The following TTC39B variants were observed in gnomAD, a reference collection of about 807,000 sequenced individuals.
The protein encoded by TTC39B is tetratricopeptide repeat protein 39B.
Under a neutral mutation model 96.6 loss-of-function variants are expected in TTC39B, and 92 were observed. The ratio of observed to expected loss-of-function variants is 0.95; its 90% CI spans 0.80 to 1.13. The LOEUF (loss-of-function observed/expected upper bound fraction) is 1.13. TTC39B is among the 50% of genes most tolerant of loss of function. The probability of loss-of-function intolerance (pLI) is 0.00; values close to 1 mark genes in which losing one functional copy is unlikely to be tolerated. For synonymous variants in TTC39B, 367 were observed against 299.4 expected, an observed-to-expected ratio of 1.23 and a Z score of -2.33; for missense variants, 955 against 809.3, an observed-to-expected ratio of 1.18 and a Z score of -2.18.
intron 1 of TTC39B, among the ~76,000 whole-genome samples, chr9:15,296,877 G>A (rs1013738084): frequency 6.6e-6 from 1 of 152,180 alleles, no homozygotes; most frequent in African/African-American, 2.4e-5. Context: ...GCCAAGGCTG[G>A]GGGATCATGC....
intron 1 of TTC39B, among the ~76,000 whole-genome samples, chr9:15,286,962 G>C (rs1262014189): frequency 6.6e-6 from 1 of 152,100 alleles, no homozygotes; most frequent in Non-Finnish European, 1.5e-5. Flanking sequence ...CTAATACCTA[G>C]AACTAGCTTA....
At chr9:15,166,982 T>TTTTTTATATATATATA (rs1387664027) in exon 20 of TTC39B, 1 of 20,280 alleles carries the variant, frequency 4.9e-5, no homozygotes, top group Non-Finnish European at 8.8e-5. Flanking sequence ...AACCTTTATT[T>TTTTTTATATATATATA]TATATATATA....
chr9:15,220,801 C>A (rs759513807), intron 3 of TTC39B, among the ~76,000 whole-genome samples: 6 of 152,140 alleles, frequency 3.9e-5, no homozygotes, highest in Non-Finnish European at 8.8e-5. Flanking sequence ...TATTTTGTAG[C>A]ATGGCCCTTT....
intron 5 of TTC39B, among the ~76,000 whole-genome samples, chr9:15,210,549 T>G (rs890182835): frequency 3.3e-5 from 5 of 152,210 alleles, no homozygotes; most frequent in Non-Finnish European, 4.4e-5. Flanking sequence ...ACAACACAAT[T>G]ACATCAGGAT....
Position 15,247,627 on chromosome 9 carries a change from G to A in TTC39B, c.275+20287C>T, listed in dbSNP as rs1348439348. Among the ~76,000 whole-genome samples the A allele has an allele frequency of 3.3e-5, 5 of 152,078 alleles. No individual in the cohort carries two copies. In the East Asian group the frequency reaches 9.6e-4, roughly 29 times the overall value. ...GCATGTTTTCCACGTTCCTTAACTG[G>A]CCTGCCACTGAAGCATAATCTGCCC... On this transcript the variant is annotated intron_variant, in intron 2 of 19. Transcript: ENST00000512701.
At chr9:15,221,672 G>T (rs554581564) in intron 3 of TTC39B, among the ~76,000 whole-genome samples, 6 of 152,226 alleles carry the variant, frequency 3.9e-5, no homozygotes, top group South Asian at 2.1e-4. Context: ...CCTGTGTGCC[G>T]CAGTGCTTCA....
chr9:15,184,591 G>A (rs1444505955), intron 16 of TTC39B, among the ~76,000 whole-genome samples: 1 of 152,186 alleles, frequency 6.6e-6, no homozygotes, highest in East Asian at 1.9e-4. Flanking sequence ...GAAAATTCAA[G>A]TTGAAATTGT....
intron 8 of TTC39B, among the ~76,000 whole-genome samples, chr9:15,193,507 T>C (rs1404520109): frequency 2.0e-5 from 3 of 152,236 alleles, no homozygotes; most frequent in Non-Finnish European, 4.4e-5. Context: ...ATATTTTTAA[T>C]CTGAATCTAG....
rs554308259 is a variant in TTC39B, at chr9:15,272,120, C to CCCCA, written c.241-4173_241-4172insTGGG. On this transcript the variant is annotated intron_variant, in intron 1 of 19. Coordinates refer to ENST00000512701, the Ensembl canonical transcript of TTC39B. Reference sequence around the variant, plus strand: ...TTGGTCCCCACACTCAGTTCAAATTCTATCCCTTTTCTGCTGCTGCCTCAG... The same window carrying CCCCA: ...TTGGTCCCCACACTCAGTTCAAATTCCCCATATCCCTTTTCTGCTGCTGCCTCAG... 5.6e-3 allele frequency among the ~76,000 whole-genome samples: 857 copies of CCCCA among 152,304 alleles called. 7 individuals are homozygous for CCCCA. Among genetic ancestry groups the CCCCA allele is most frequent in the South Asian group, 0.023 (110 of 4,828 alleles).
intron 2 of TTC39B, among the ~76,000 whole-genome samples, chr9:15,247,265 T>A (rs922266156): frequency 6.6e-6 from 1 of 152,242 alleles, no homozygotes; most frequent in Non-Finnish European, 1.5e-5. Flanking sequence ...AGAGTGGTTT[T>A]ATCTTAAGAT....
intron 2 of TTC39B, among the ~76,000 whole-genome samples, chr9:15,251,960 C>T (rs1198023623): frequency 1.3e-5 from 2 of 151,750 alleles, no homozygotes; most frequent in African/African-American, 2.4e-5. Context: ...GAGCAGAGCC[C>T]ACAAGGTCCC....
chr9:15,233,648 T>TC (rs1439388283), intron 2 of TTC39B, among the ~76,000 whole-genome samples: 2 of 152,200 alleles, frequency 1.3e-5, no homozygotes, highest in Non-Finnish European at 2.9e-5. Context: ...GGAGTCTCGT[T>TC]CGCTCAGTGC....
intron 3 of TTC39B, among the ~76,000 whole-genome samples, chr9:15,215,949 C>T (rs576233401): frequency 1.2e-3 from 176 of 152,304 alleles, no homozygotes; most frequent in Middle Eastern, 6.8e-3. Flanking sequence ...TCCCACCAAC[C>T]TCTTCAATTT....
At chr9:15,273,470 A>ATTCCTCCCTCCTCCTCCGCG in intron 1 of TTC39B, among the ~76,000 whole-genome samples, 1 of 151,780 alleles carries the variant, frequency 6.6e-6, no homozygotes, top group East Asian at 1.9e-4. Context: ...CCTCCTCCAC[A>ATTCCTCCCTCCTCCTCCGCG]TTCCTCCCTC....
intron 2 of TTC39B, among the ~76,000 whole-genome samples, chr9:15,252,370 C>T (rs758636853): frequency 4.6e-5 from 7 of 152,070 alleles, no homozygotes; most frequent in Non-Finnish European, 7.4e-5. Context: ...AAAGGTGGGC[C>T]GGGCGCAGTG....
At chr9:15,177,565 C>G (rs549546744) in intron 18 of TTC39B, 132 bp downstream of exon 18, 34 of 620,276 alleles carry the variant, frequency 5.5e-5, no homozygotes, top group African/African-American at 5.4e-4. Context: ...CAACACACTA[C>G]TGGATTTTCT....
intron 2 of TTC39B, among the ~76,000 whole-genome samples, chr9:15,246,252 C>T (rs1336838181): frequency 2.6e-5 from 4 of 152,102 alleles, no homozygotes; most frequent in African/African-American, 2.4e-5. Flanking sequence ...ACAGGAAACT[C>T]CATCTCAAAA....
chr9:15,302,037 G>C (rs766687756), intron 1 of TTC39B, among the ~76,000 whole-genome samples: 73 of 152,200 alleles, frequency 4.8e-4, no homozygotes, highest in South Asian at 8.3e-4. Flanking sequence ...AAAGTTAAGT[G>C]TAAGGTTGGG....
intron 2 of TTC39B, among the ~76,000 whole-genome samples, chr9:15,247,551 C>G (rs367555614): frequency 6.6e-6 from 1 of 152,140 alleles, no homozygotes; most frequent in Admixed American, 6.5e-5. Flanking sequence ...CATTCTGGAC[C>G]TAAAATTCAA....
Sources: gnomAD v4.1 joint callset for allele counts (sites outside exome capture counted in the v4.1 genomes callset) on GRCh38, gnomAD v4.1.1 for gene constraint, MANE v1.5 for transcripts, NCBI Gene and HGNC (gene_info 2026-07-23, HGNC 2026-07-21) for gene names.